The following RMND1 variants were observed in gnomAD, a reference collection of about 807,000 sequenced individuals.
The protein encoded by RMND1 is required for meiotic nuclear division 1 homolog, also known as required for meiotic nuclear division protein 1 homolog.
In RMND1, 41 loss-of-function variants were observed where a neutral mutation model predicts 54.0. The ratio of observed to expected loss-of-function variants is 0.76; its 90% CI spans 0.59 to 0.98. The LOEUF is 0.98. Among genes scored for constraint, RMND1 ranks in the 50% least tolerant of loss-of-function variants. The pLI, the probability that RMND1 is intolerant of heterozygous loss-of-function variation, is 0.00. For synonymous variants in RMND1, 183 were observed against 181.7 expected (o/e 1.01, Z -0.06); for missense variants, 457 against 532.0 (o/e 0.86, Z 1.39).
At chr6:151,408,089 C>G (rs1779690476) in intron 10 of RMND1, among the ~76,000 whole-genome samples, 1 of 151,914 alleles carries the variant, frequency 6.6e-6, no homozygotes, top group African/African-American at 2.4e-5. Context: ...AGGTGGGATG[C>G]TGGTGGGGTT....
chr6:151,429,225 G>T (rs533983960), intron 5 of RMND1, among the ~76,000 whole-genome samples: 1 of 151,624 alleles, frequency 6.6e-6, no homozygotes, highest in East Asian at 1.9e-4. Flanking sequence ...AGGTTTAAGC[G>T]ATTCTTGTGC....
chr6:151,448,772 C>T (rs937512127), intron 1 of RMND1, among the ~76,000 whole-genome samples: 1 of 152,186 alleles, frequency 6.6e-6, no homozygotes, highest in Admixed American at 6.5e-5. Context: ...CTAGCTGTGG[C>T]TTCACGGTTC....
intron 1 of RMND1, among the ~76,000 whole-genome samples, chr6:151,451,305 TA>T (rs1178729026): frequency 2.0e-5 from 3 of 152,204 alleles, no homozygotes; most frequent in African/African-American, 7.2e-5. Context: ...ATTTTTAGTT[TA>T]TTAATTCATA....
rs556574758 is a variant in RMND1 at position 151,450,689 on chromosome 6, G to A, written c.-15+1327C>T. On this transcript the variant is annotated intron_variant, in intron 1 of 11. Transcript: ENST00000444024. The stretch of plus-strand genomic sequence containing the variant: ...AGCCCCTCTGCCCGGCCACCACCCC[G>A]TCTGGGAGGTGTACTCAACAGCTCA... Among the ~76,000 whole-genome samples, 96 of 151,806 alleles carry A rather than the reference G, an allele frequency of 6.3e-4. 1 individual carries two copies. The highest frequency in any genetic ancestry group is 2.1e-3 in the African/African-American group (87 of 41,408).
Position 151,445,756 on chromosome 6 carries a change from G to T in RMND1, c.56C>A (p.Ala19Glu). The T allele has an allele frequency of 6.2e-7, 1 of 1,613,600 alleles. No individual in the cohort carries two copies. ...ATGACCGATTCTTCGGCACTGATGT[G>T]CTTTTGATAATATATGATGAGATCT... ...VARSHHILSK[A>E]HQCRRIGHLM... is the part of the protein sequence containing the mutation. The change falls in exon 2 of 12, where the codon GCA becomes GAA. Residue 19 changes from alanine to glutamate, a missense_variant. By Grantham distance (107) the Ala-to-Glu change is moderately radical. Coordinates refer to ENST00000444024, the MANE Select transcript of RMND1 (RefSeq NM_017909.4).
At chr6:151,406,544 T>C (rs1779628000) in intron 10 of RMND1, among the ~76,000 whole-genome samples, 1 of 152,084 alleles carries the variant, frequency 6.6e-6, no homozygotes, top group Admixed American at 6.6e-5. Context: ...GTATTTTTAG[T>C]AGAGATGATG....
intron 2 of RMND1, among the ~76,000 whole-genome samples, chr6:151,442,282 C>A (rs970749978): frequency 1.4e-5 from 2 of 142,882 alleles, no homozygotes; most frequent in Non-Finnish European, 3.0e-5. Context: ...TATGCTTACA[C>A]ACCAATTGCC....
intron 2 of RMND1, 124 bp from the exon 3 acceptor site, chr6:151,436,678 C>A: frequency 2.4e-6 from 2 of 829,766 alleles, no homozygotes; most frequent in South Asian, 2.2e-5. Flanking sequence ...TCAAACATCT[C>A]CAAGGGTGAT....
At position 151,433,225 on chromosome 6, in the gene RMND1, CT is replaced by C; in HGVS notation, c.618del (p.Ala207GlnfsTer5). On this transcript the variant is annotated frameshift_variant, in exon 4 of 12. Coordinates refer to ENST00000444024, the MANE Select transcript of RMND1 (RefSeq NM_017909.4). LOFTEE classifies it high-confidence loss of function. ...YVEVTSLPRDAANILVMGVEN... is the reference protein window; with the variant it reads ...YVEVTSLPRDXANILVMGVEN... ...TCCACACCCATCACCAAAATATTTG[CT>C]GCATCTGTGATTTAAAATAAACGAA... 1 of 1,609,262 alleles carries C rather than the reference CT, an allele frequency of 6.2e-7. No homozygotes were observed. The highest frequency in any genetic ancestry group is 8.5e-7 in the Non-Finnish European group (1 of 1,176,764).
At chr6:151,406,048 C>A (rs1051011362) in intron 10 of RMND1, among the ~76,000 whole-genome samples, 2 of 152,188 alleles carry the variant, frequency 1.3e-5, no homozygotes, top group South Asian at 2.1e-4. Context: ...TGAAGCTCTT[C>A]TATTTGTAAG....
intron 10 of RMND1, among the ~76,000 whole-genome samples, chr6:151,410,599 C>A (rs1779800346): frequency 6.6e-6 from 1 of 151,994 alleles, no homozygotes; most frequent in South Asian, 2.1e-4. Context: ...ATGCAGAAGA[C>A]TTAACACCAA....
Position 151,433,207 on chromosome 6 carries a change from C to T in RMND1, c.637G>A (p.Gly213Ser). ...PRDAANILVMGVENSAKEGDP... is the reference protein window; with the variant it reads ...PRDAANILVMSVENSAKEGDP... ...CCTTCTTTTGCAGAATTTTCCACAC[C>T]CATCACCAAAATATTTGCTGCATCT... Residue 213 changes from glycine (G) to serine (S), a missense_variant, in exon 4 of 12, where the codon GGT (glycine) becomes AGT (serine). By Grantham distance (56) the Gly-to-Ser change is moderately conservative (BLOSUM62 0). Transcript: ENST00000444024. 7 of 1,611,786 alleles carry T rather than the reference C, an allele frequency of 4.3e-6. No individual in the cohort carries two copies. Among genetic ancestry groups the T allele is most frequent in the Non-Finnish European group, 5.9e-6 (7 of 1,178,782 alleles).
intron 1 of RMND1, among the ~76,000 whole-genome samples, chr6:151,446,520 G>A (rs760620951): frequency 1.3e-5 from 2 of 152,036 alleles, no homozygotes; most frequent in African/African-American, 2.4e-5. Flanking sequence ...ATGGGAGTGC[G>A]AGGCATGTCA....
At position 151,410,291 on chromosome 6, in the gene RMND1, G is replaced by A. The variant is rs1190745425; in HGVS notation, c.1201-4455C>T. Among the ~76,000 whole-genome samples the A allele has an allele frequency of 3.9e-5, 6 of 152,240 alleles. No individual in the cohort carries two copies. In the South Asian group the frequency reaches 8.3e-4, roughly 21 times the overall value. ...AGGATGGTCTGGATCTCCTGACCTT[G>A]TGATCCGCCCTCCTTGGCCTCCCAA... On this transcript the variant is annotated intron_variant, in intron 10 of 11. Transcript: ENST00000444024.
At chr6:151,450,557 C>T (rs1781133081) in intron 1 of RMND1, among the ~76,000 whole-genome samples, 1 of 145,314 alleles carries the variant, frequency 6.9e-6, no homozygotes, top group Non-Finnish European at 1.5e-5. Context: ...CCCGGCCAGC[C>T]GCCCCGTCCG....
At chr6:151,434,606 G>C (rs1780546904) in intron 3 of RMND1, among the ~76,000 whole-genome samples, 1 of 152,048 alleles carries the variant, frequency 6.6e-6, no homozygotes, top group Non-Finnish European at 1.5e-5. Context: ...ATACCAAGGG[G>C]CTCTAGACAT....
In RMND1 at chr6:151,436,580, T is replaced by C. The variant is rs1283954284; in HGVS notation, c.505-26A>G. On this transcript the variant is annotated intron_variant, in intron 2 of 11. Transcript: ENST00000444024. ...CTGTTCCAGGGAAATGAGCATAACA[T>C]GGGTTACCAAGAGGCTGAAGCATCT... 3 of 1,611,064 alleles carry C rather than the reference T, an allele frequency of 1.9e-6. No individual in the cohort carries two copies. In the Admixed American group the frequency reaches 5.0e-5, roughly 27 times the overall value.
chr6:151,449,893 T>C (rs965584071), intron 1 of RMND1, among the ~76,000 whole-genome samples: 23 of 152,230 alleles, frequency 1.5e-4, no homozygotes, highest in African/African-American at 4.3e-4. Flanking sequence ...GCGAGTGATC[T>C]GCCAGCCTCG....
chr6:151,409,087 G>A (rs1488028064), intron 10 of RMND1, among the ~76,000 whole-genome samples: 2 of 152,228 alleles, frequency 1.3e-5, no homozygotes, highest in Admixed American at 6.5e-5. Context: ...ACATGTGTCT[G>A]TCTTGCAGCC....
Sources: allele counts gnomAD v4.1 joint callset (sites outside exome capture counted in the v4.1 genomes callset), GRCh38; gene constraint gnomAD v4.1.1; transcripts MANE v1.5; gene names NCBI Gene and HGNC (gene_info 2026-07-23, HGNC 2026-07-21).